Variants in ADAM12 observed in about 807,000 individuals in gnomAD.
ADAM12 encodes the protein ADAM metallopeptidase domain 12.
Under a neutral mutation model 106.4 loss-of-function variants are expected in ADAM12, and 70 were observed. That is an observed-to-expected ratio of 0.66 (90% CI 0.54 to 0.80). The LOEUF is 0.80. ADAM12 is among the 30% of genes least tolerant of loss of function. The pLI, the probability that ADAM12 is intolerant of heterozygous loss-of-function variation, is 0.00. For missense variants in ADAM12, 1,010 were observed against 1,171.9 expected, an observed-to-expected ratio of 0.86 and a Z score of 2.02; for synonymous variants, 420 against 433.5, an observed-to-expected ratio of 0.97 and a Z score of 0.39.
chr10:126,125,247 TTC>T (rs1354121897), intron 5 of ADAM12, among the ~76,000 whole-genome samples: 1 of 107,596 alleles, frequency 9.3e-6, no homozygotes, highest in Non-Finnish European at 2.1e-5. Flanking sequence ...TTCTTTTCTT[TTC>T]TTTTTTTTTT....
chr10:126,364,292 G>A (rs12413521), intron 1 of ADAM12, among the ~76,000 whole-genome samples: 19 of 151,762 alleles, frequency 1.3e-4, no homozygotes, highest in Admixed American at 1.1e-3. Context: ...ATTGCTGTTT[G>A]TACACATTTT....
rs1260732968 is a variant in ADAM12 at position 126,043,566 on chromosome 10, T to C, written c.1996-418A>G. 6.6e-6 allele frequency among the ~76,000 whole-genome samples: 1 copy of C among 152,160 alleles called. No homozygotes were observed. Among genetic ancestry groups the C allele is most frequent in the Non-Finnish European group, 1.5e-5 (1 of 68,024 alleles). On this transcript the variant is annotated intron_variant, in intron 17 of 22. Transcript: ENST00000448723. This position sits in a 1 kb window ranked among gnomAD's most constrained non-coding sequence, Gnocchi z 4.1. ...CTGGGGCACCGCGGGACCTGACAGA[T>C]GCTTGGCGCATCCCTGTCTCCTTCA...
intron 20 of ADAM12, among the ~76,000 whole-genome samples, chr10:126,037,066 T>TATC (rs1035679107): frequency 2.0e-5 from 3 of 152,198 alleles, no homozygotes; most frequent in African/African-American, 7.2e-5. Context: ...TTTCTGTCAC[T>TATC]ATCAGTTTGC....
chr10:126,296,220 C>T (rs143080973), intron 2 of ADAM12, among the ~76,000 whole-genome samples: 2 of 152,216 alleles, frequency 1.3e-5, no homozygotes, highest in East Asian at 3.9e-4. Context: ...TGGCTCACTG[C>T]CACTTTGAAT....
intron 2 of ADAM12, among the ~76,000 whole-genome samples, chr10:126,292,521 A>G (rs926178170): frequency 6.6e-6 from 1 of 152,156 alleles, no homozygotes; most frequent in Non-Finnish European, 1.5e-5. Flanking sequence ...TTCATATATA[A>G]AGCCAAAGTT....
Position 126,043,204 on chromosome 10 carries a change from A to G in ADAM12, c.1996-56T>C. The G allele has an allele frequency of 6.6e-7, 1 of 1,520,114 alleles. No individual in the cohort carries two copies. Among genetic ancestry groups the G allele is most frequent in the East Asian group, 2.3e-5 (1 of 43,492 alleles). The allele number at this position is 1,520,114 out of a possible 1,614,324, so 94.2% of individuals were successfully genotyped here. ...TAGGGCATATGCTCTGTGCATCACC[A>G]CAGCAGAAGCAAGGGGGGCCATGGT... is the stretch of plus-strand genomic sequence containing the variant. On this transcript the variant is annotated intron_variant, in intron 17 of 22. Transcript: ENST00000448723. The surrounding 1 kb of genome is among the most constrained non-coding windows in gnomAD (Gnocchi z 4.1).
intron 18 of ADAM12, chr10:126,041,351 A>G: frequency 1.0e-6 from 1 of 985,690 alleles, no homozygotes; most frequent in Non-Finnish European, 1.2e-6. Flanking sequence ...CGGTATTTCA[A>G]ATGCACTCTA....
At chr10:126,187,920 C>G (rs10437523) in intron 3 of ADAM12, among the ~76,000 whole-genome samples, 17,999 of 152,218 alleles carry the variant, frequency 0.12, 1,251 homozygotes, top group East Asian at 0.27. Context: ...CTGCAGATGA[C>G]TGGGAGTGTG....
intron 3 of ADAM12, among the ~76,000 whole-genome samples, chr10:126,258,813 C>T (rs1370718139): frequency 3.9e-5 from 6 of 152,174 alleles, no homozygotes; most frequent in Non-Finnish European, 5.9e-5. Context: ...CACCAAGACA[C>T]CTTTCTTTCC....
chr10:126,229,150 C>G (rs1328856555), intron 3 of ADAM12, among the ~76,000 whole-genome samples: 2 of 152,196 alleles, frequency 1.3e-5, no homozygotes, highest in African/African-American at 4.8e-5. Flanking sequence ...CAGAGCCTCC[C>G]CTTCCCAGGA....
intron 3 of ADAM12, among the ~76,000 whole-genome samples, chr10:126,176,243 C>T (rs1226670483): frequency 3.3e-5 from 5 of 152,220 alleles, no homozygotes; most frequent in Admixed American, 6.5e-5. Flanking sequence ...AATTAACATG[C>T]GTTCAAGGCC....
chr10:126,111,392 G>A (rs1459325494), intron 6 of ADAM12, among the ~76,000 whole-genome samples: 3 of 152,218 alleles, frequency 2.0e-5, no homozygotes, highest in African/African-American at 7.2e-5. Context: ...TTCTGAAAGT[G>A]TGAAGATCTT....
intron 4 of ADAM12, among the ~76,000 whole-genome samples, chr10:126,150,144 G>A (rs1056263151): frequency 6.6e-5 from 10 of 152,126 alleles, no homozygotes; most frequent in South Asian, 2.1e-4. Flanking sequence ...TTGGAAGACC[G>A]GAGCCTATTG....
chr10:126,277,475 G>A (rs1239419176), intron 3 of ADAM12, among the ~76,000 whole-genome samples: 1 of 152,028 alleles, frequency 6.6e-6, no homozygotes, highest in East Asian at 1.9e-4. Flanking sequence ...ACCACCAGCA[G>A]CCTTAGATGC....
chr10:126,201,471 G>A (rs1249970724), intron 3 of ADAM12, among the ~76,000 whole-genome samples: 1 of 152,164 alleles, frequency 6.6e-6, no homozygotes, highest in African/African-American at 2.4e-5. Context: ...GAAGCTGGAA[G>A]AGGCGAGGAA....
intron 1 of ADAM12, among the ~76,000 whole-genome samples, chr10:126,341,160 A>C (rs1434911428): frequency 6.6e-6 from 1 of 152,044 alleles, no homozygotes; most frequent in Admixed American, 6.6e-5. Context: ...TCCCAACCCA[A>C]GTTGCTTCCC....
intron 5 of ADAM12, among the ~76,000 whole-genome samples, chr10:126,134,882 C>T (rs1221948121): frequency 1.3e-5 from 2 of 152,158 alleles, no homozygotes; most frequent in Admixed American, 6.5e-5. Flanking sequence ...TCTGAGGTTA[C>T]AAACATTTAG....
At chr10:126,293,785 C>T (rs1490330451) in intron 2 of ADAM12, among the ~76,000 whole-genome samples, 1 of 152,136 alleles carries the variant, frequency 6.6e-6, no homozygotes, top group Non-Finnish European at 1.5e-5. Context: ...CCTCCCATTT[C>T]TTCTTTTGCC....
chr10:126,137,560 T>A (rs1316357921), intron 4 of ADAM12, among the ~76,000 whole-genome samples: 2 of 152,206 alleles, frequency 1.3e-5, no homozygotes, highest in African/African-American at 4.8e-5. Flanking sequence ...TGCTCCTCCA[T>A]CTCTGGCAAC....
Sources: gnomAD v4.1 joint callset for allele counts (sites outside exome capture counted in the v4.1 genomes callset) on GRCh38, gnomAD v4.1.1 for gene constraint, Gnocchi (gnomAD v3.1) non-coding constraint, MANE v1.5 for transcripts, NCBI Gene and HGNC (gene_info 2026-07-23, HGNC 2026-07-21) for gene names.